The following DISP1 variants were observed in gnomAD, a reference collection of about 807,000 sequenced individuals.
DISP1 encodes the protein dispatched RND transporter family member 1, also known as protein dispatched homolog 1.
A neutral mutation model predicts 37.3 loss-of-function variants in DISP1; 30 were observed. The ratio of observed to expected loss-of-function variants is 0.80; its 90% CI spans 0.60 to 1.09. DISP1 has a LOEUF of 1.09. Ranked by LOEUF, DISP1 falls within the 50% of genes least tolerant of loss-of-function variation. The probability of loss-of-function intolerance (pLI) is 0.00; values close to 1 mark genes in which losing one functional copy is unlikely to be tolerated. For missense variants in DISP1, 1,598 were observed against 1,879.5 expected (o/e 0.85, Z 2.77); for synonymous variants, 634 against 690.2 (o/e 0.92, Z 1.28).
intron 1 of DISP1, among the ~76,000 whole-genome samples, chr1:222,918,093 G>C (rs1012566843): frequency 4.6e-5 from 7 of 152,084 alleles, no homozygotes; most frequent in African/African-American, 1.7e-4. Context: ...CATCAAAACG[G>C]CACCTCCCTG....
At chr1:222,909,769 T>G (rs891142759) in intron 1 of DISP1, among the ~76,000 whole-genome samples, 10 of 152,206 alleles carry the variant, frequency 6.6e-5, no homozygotes, top group African/African-American at 2.4e-4. Flanking sequence ...ACTCTGAGCC[T>G]GCCAAGCTCC....
At chr1:222,854,955 T>C (rs1475468884) in intron 1 of DISP1, among the ~76,000 whole-genome samples, 2 of 152,066 alleles carry the variant, frequency 1.3e-5, no homozygotes, top group African/African-American at 4.8e-5. Context: ...TTCAAACTTG[T>C]CCAGAGAGCT....
rs1467294809 is a variant in DISP1, at chr1:222,815,051, G to A, written c.-186G>A. ...CGCGCCAGGCGGAAGCCCGGCTCCG[G>A]GCCAGCATCCGAGAGCCCGGACTGG... On this transcript the variant is annotated 5_prime_UTR_variant, in exon 1 of 9. Coordinates refer to ENST00000675850, the MANE Select transcript of DISP1 (RefSeq NM_001377229.1). The A allele has an allele frequency of 1.3e-5, 2 of 152,244 alleles. No homozygotes were observed. Among genetic ancestry groups the A allele is most frequent in the Non-Finnish European group, 2.9e-5 (2 of 68,082 alleles). 9.4% of individuals were successfully genotyped at this position (152,244 alleles called of 1,614,324 possible).
intron 1 of DISP1, among the ~76,000 whole-genome samples, chr1:222,823,230 A>T (rs961909322): frequency 2.0e-5 from 3 of 152,184 alleles, no homozygotes; most frequent in African/African-American, 4.8e-5. Flanking sequence ...CCTGAACTCA[A>T]TATGTTTATT....
intron 1 of DISP1, among the ~76,000 whole-genome samples, chr1:222,880,021 G>A (rs976978363): frequency 6.6e-6 from 1 of 151,920 alleles, no homozygotes; most frequent in Non-Finnish European, 1.5e-5. Flanking sequence ...TGCATCAAAG[G>A]TATTACCATT....
Position 223,003,539 on chromosome 1 carries a change from C to T in DISP1, c.2142C>T (p.Val714=), listed in dbSNP as rs374270401. 14 of 1,614,060 alleles carry T rather than the reference C, an allele frequency of 8.7e-6. No individual in the cohort carries two copies. The highest frequency in any genetic ancestry group is 1.2e-5 in the Non-Finnish European group (14 of 1,180,056). The stretch of plus-strand genomic sequence containing the variant: ...TCGAAAAAGTATTGCCATGCATTGT[C>T]ATTAAGTTTCGCTACCTTTGGCTGT... ...IFFEKVLPCI[V]IKFRYLWLFW... Residue 714 remains valine, a synonymous_variant, in exon 9 of 9, where the codon GTC becomes GTT. Coordinates refer to ENST00000675850, the MANE Select transcript of DISP1 (RefSeq NM_001377229.1). This position sits in a 1 kb window ranked among gnomAD's most constrained non-coding sequence, Gnocchi z 4.3.
chr1:222,839,936 A>G (rs942319673), intron 1 of DISP1, among the ~76,000 whole-genome samples: 92 of 152,246 alleles, frequency 6.0e-4, no homozygotes, highest in Non-Finnish European at 3.7e-4. Flanking sequence ...GTCTCAAAAA[A>G]AAAAAAATGC....
At chr1:222,895,441 T>A (rs1285680691) in intron 1 of DISP1, among the ~76,000 whole-genome samples, 1 of 152,206 alleles carries the variant, frequency 6.6e-6, no homozygotes, top group East Asian at 1.9e-4. Context: ...TTTAAAAAAA[T>A]GATGAAATAC....
chr1:222,933,596 T>C (rs1000497630), intron 2 of DISP1, among the ~76,000 whole-genome samples: 7 of 151,942 alleles, frequency 4.6e-5, no homozygotes, highest in East Asian at 3.8e-4. Context: ...GTTTGTTTCT[T>C]TGGGAAAATG....
At chr1:222,982,938 C>CTTTTT in intron 3 of DISP1, 142 bp from the exon 4 acceptor site, 5 of 591,208 alleles carry the variant, frequency 8.5e-6, no homozygotes, top group Non-Finnish European at 1.2e-5. Context: ...AATAGATTGC[C>CTTTTT]TTTTTTTTTT....
At chr1:222,875,163 A>T (rs1669887976) in intron 1 of DISP1, among the ~76,000 whole-genome samples, 1 of 151,966 alleles carries the variant, frequency 6.6e-6, no homozygotes, top group Admixed American at 6.6e-5. Flanking sequence ...TAAATTCATG[A>T]TGTGCCTTAA....
chr1:222,965,407 A>G (rs1443270682), intron 3 of DISP1, among the ~76,000 whole-genome samples: 1 of 152,124 alleles, frequency 6.6e-6, no homozygotes, highest in Non-Finnish European at 1.5e-5. Flanking sequence ...TTAACTTCAT[A>G]TGGTCTTTTT....
At chr1:223,002,282 C>A in intron 8 of DISP1, 103 bp from the exon 9 acceptor site, 1 of 1,104,368 alleles carries the variant, frequency 9.1e-7, no homozygotes, top group Non-Finnish European at 1.4e-6. Flanking sequence ...GCTTTTGTAA[C>A]TTTCCCTGTC....
At chr1:222,927,334 C>T (rs983690269) in intron 1 of DISP1, among the ~76,000 whole-genome samples, 3 of 152,006 alleles carry the variant, frequency 2.0e-5, no homozygotes, top group Non-Finnish European at 2.9e-5. Flanking sequence ...TGCATATTGG[C>T]CATTTGTATT....
intron 1 of DISP1, among the ~76,000 whole-genome samples, chr1:222,819,057 G>A (rs1051022822): frequency 5.9e-5 from 9 of 152,178 alleles, no homozygotes; most frequent in Admixed American, 5.9e-4. Context: ...TCATGGAGGT[G>A]GTTTCTAATG....
intron 2 of DISP1, among the ~76,000 whole-genome samples, chr1:222,935,478 C>T (rs1673662767): frequency 6.6e-6 from 1 of 152,152 alleles, no homozygotes; most frequent in Admixed American, 6.5e-5. Context: ...GAGCACCTTA[C>T]TTAGAATCTC....
chr1:222,863,536 CA>C (rs35141337), intron 1 of DISP1, among the ~76,000 whole-genome samples: 4,286 of 131,362 alleles, frequency 0.033, 71 homozygotes, highest in African/African-American at 0.065. Flanking sequence ...GACCCTATCT[CA>C]AAAAAAAAAA....
chr1:222,831,187 TA>T (rs1285560882), intron 1 of DISP1: 1 of 152,226 alleles, frequency 6.6e-6, no homozygotes, highest in Admixed American at 6.5e-5. Flanking sequence ...ATGGTTCTTT[TA>T]AAAACTGGGT....
intron 1 of DISP1, among the ~76,000 whole-genome samples, chr1:222,922,588 G>T (rs1327891792): frequency 6.6e-6 from 1 of 152,080 alleles, no homozygotes; most frequent in African/African-American, 2.4e-5. Context: ...GAAAGGGTGC[G>T]CAGAAGTAGG....
Sources: allele counts gnomAD v4.1 joint callset (sites outside exome capture counted in the v4.1 genomes callset), GRCh38; gene constraint gnomAD v4.1.1; non-coding constraint Gnocchi (gnomAD v3.1); transcripts MANE v1.5; gene names NCBI Gene and HGNC (gene_info 2026-07-23, HGNC 2026-07-21).